Variants in CACNA1E observed in about 807,000 individuals in gnomAD.
CACNA1E encodes voltage-dependent R-type calcium channel subunit alpha-1E.
In CACNA1E, 40 loss-of-function variants were observed where a neutral mutation model predicts 259.2. The ratio of observed to expected loss-of-function variants is 0.15; its 90% CI spans 0.12 to 0.20. CACNA1E has a LOEUF of 0.20. Among genes scored for constraint, CACNA1E ranks in the 10% least tolerant of loss-of-function variants. CACNA1E has a pLI of 1.00. For missense variants in CACNA1E, 1,874 were observed against 3,040.1 expected (o/e 0.62, Z 9.02); for synonymous variants, 1,104 against 1,138.5 (o/e 0.97, Z 0.61).
intron 3 of CACNA1E, among the ~76,000 whole-genome samples, chr1:181,558,538 A>G (rs574350914): frequency 6.6e-6 from 1 of 152,332 alleles, no homozygotes; most frequent in South Asian, 2.1e-4. Flanking sequence ...GAGGAGGAGC[A>G]GTTTAAACCT....
At chr1:181,420,890 G>A (rs1658681188) in intron 2 of CACNA1E, among the ~76,000 whole-genome samples, 1 of 152,170 alleles carries the variant, frequency 6.6e-6, no homozygotes, top group Admixed American at 6.5e-5. Flanking sequence ...TTACATGTCT[G>A]TGTCCCCCAC....
intron 6 of CACNA1E, among the ~76,000 whole-genome samples, chr1:181,615,006 TA>T (rs910391531): frequency 1.3e-5 from 2 of 152,182 alleles, no homozygotes; most frequent in African/African-American, 4.8e-5. Context: ...CAATTTTTAC[TA>T]AAAAAACTCT....
intron 1 of CACNA1E, among the ~76,000 whole-genome samples, chr1:181,507,294 C>T (rs4652661): frequency 0.14 from 21,423 of 152,208 alleles, 1,615 homozygotes; most frequent in Non-Finnish European, 0.17. Context: ...CTCATCAGCA[C>T]CTGGGCCAAG....
At chr1:181,398,172 C>T (rs987235005) in intron 1 of CACNA1E, among the ~76,000 whole-genome samples, 1 of 152,220 alleles carries the variant, frequency 6.6e-6, no homozygotes, top group South Asian at 2.1e-4. Context: ...ACAGGCTCTA[C>T]CCAGATGCCT....
chr1:181,720,908 A>AGTGTG, intron 15 of CACNA1E, 53 bp downstream of exon 15: 1 of 1,081,918 alleles, frequency 9.2e-7, no homozygotes, highest in Non-Finnish European at 1.4e-6. Flanking sequence ...CTTGGACTGC[A>AGTGTG]CACTGCAAGA....
chr1:181,548,271 C>G (rs79813880), intron 3 of CACNA1E, among the ~76,000 whole-genome samples: 13,260 of 151,774 alleles, frequency 0.087, 1,924 homozygotes, highest in African/African-American at 0.3. Context: ...ATTACAGGTG[C>G]GTGCCACTAC....
At chr1:181,596,660 T>A (rs1653206845) in intron 6 of CACNA1E, among the ~76,000 whole-genome samples, 1 of 151,622 alleles carries the variant, frequency 6.6e-6, no homozygotes, top group Non-Finnish European at 1.5e-5. Flanking sequence ...AAGAGACTCT[T>A]GGTCCATCCA....
At chr1:181,793,361 T>C (rs1661496954) in intron 44 of CACNA1E, among the ~76,000 whole-genome samples, 1 of 152,234 alleles carries the variant, frequency 6.6e-6, no homozygotes, top group Non-Finnish European at 1.5e-5. Flanking sequence ...AAAAGTATTA[T>C]ACCAAACAGT....
chr1:181,556,721 G>C (rs1252101661), intron 3 of CACNA1E, among the ~76,000 whole-genome samples: 2 of 152,192 alleles, frequency 1.3e-5, no homozygotes, highest in Non-Finnish European at 2.9e-5. Context: ...GTTGGGGCAG[G>C]AGGGCACTGT....
At chr1:181,496,524 T>C (rs1219324876) in intron 1 of CACNA1E, among the ~76,000 whole-genome samples, 1 of 152,170 alleles carries the variant, frequency 6.6e-6, no homozygotes, top group Non-Finnish European at 1.5e-5. Flanking sequence ...TCTATGTTTG[T>C]TCTATCAGAT....
At position 181,649,379 on chromosome 1, in the gene CACNA1E, CA is replaced by C. The variant is rs111445921; in HGVS notation, c.952-1948del. ...TATCTCTCTCTGAATAGTGTAGGGG[CA>C]AAAAAAAAAAGACACAAGTGTGGTG... On this transcript the variant is annotated intron_variant, in intron 6 of 47. Transcript: ENST00000367573. 1.7e-3 allele frequency among the ~76,000 whole-genome samples: 241 copies of C among 139,852 alleles called. 1 individual carries two copies. The highest frequency in any genetic ancestry group is 3.6e-3 in the African/African-American group (139 of 38,422). 91.7% of individuals were successfully genotyped at this position (139,852 alleles called of 152,430 possible).
chr1:181,762,325 G>C (rs996401474), intron 32 of CACNA1E, among the ~76,000 whole-genome samples: 1 of 152,190 alleles, frequency 6.6e-6, no homozygotes, highest in Non-Finnish European at 1.5e-5. Context: ...TTTGGTGACA[G>C]TTTTCAAAGA....
At chr1:181,779,038 G>T (rs375971611) in intron 38 of CACNA1E, among the ~76,000 whole-genome samples, 1 of 152,230 alleles carries the variant, frequency 6.6e-6, no homozygotes, top group South Asian at 2.1e-4. Context: ...AAAGCAAACA[G>T]TTCTGCAGTC....
chr1:181,356,426 C>T (rs947680139), intron 1 of CACNA1E, among the ~76,000 whole-genome samples: 18 of 152,016 alleles, frequency 1.2e-4, no homozygotes, highest in African/African-American at 4.1e-4. Flanking sequence ...TGCATCTAAC[C>T]CATACTATTT....
chr1:181,727,365 T>G (rs1655007822), intron 18 of CACNA1E, among the ~76,000 whole-genome samples: 1 of 150,838 alleles, frequency 6.6e-6, no homozygotes, highest in South Asian at 2.1e-4. Flanking sequence ...GAAGGAGGAG[T>G]GGGTGCCGGT....
chr1:181,487,403 A>T (rs534135611), intron 1 of CACNA1E, among the ~76,000 whole-genome samples: 9 of 152,296 alleles, frequency 5.9e-5, no homozygotes, highest in Middle Eastern at 3.4e-3. Flanking sequence ...GAAATGCTCA[A>T]GATAACCCAG....
intron 28 of CACNA1E, 110 bp from the exon 29 acceptor site, chr1:181,755,846 T>C (rs1658042176): frequency 1.8e-6 from 2 of 1,138,178 alleles, no homozygotes; most frequent in East Asian, 4.8e-5. Context: ...CTTACACATG[T>C]ATGGTGATCA....
chr1:181,582,122 CAT>C (rs2102986158), intron 6 of CACNA1E, among the ~76,000 whole-genome samples: 2 of 152,302 alleles, frequency 1.3e-5, no homozygotes, highest in South Asian at 4.1e-4. Flanking sequence ...TCCATTCCCA[CAT>C]AGGATGAGCA....
chr1:181,762,757 A>G (rs1572832268), intron 33 of CACNA1E, 100 bp downstream of exon 33: 1 of 706,954 alleles, frequency 1.4e-6, no homozygotes, highest in East Asian at 2.8e-5. Flanking sequence ...ACCAAAGCAA[A>G]TGCGTACCCC....
Sources: gnomAD v4.1 joint callset for allele counts (sites outside exome capture counted in the v4.1 genomes callset) on GRCh38, gnomAD v4.1.1 for gene constraint, MANE v1.5 for transcripts, NCBI Gene and HGNC (gene_info 2026-07-23, HGNC 2026-07-21) for gene names.